CFAP96: variants seen among roughly 807,000 people sequenced by gnomAD.
CFAP96 encodes cilia-and flagella-associated protein 96.
At chr4:185,432,643 G>T in the CFAP96 span, among the ~76,000 whole-genome samples, 1 of 152,050 alleles carries the variant, frequency 6.6e-6, no homozygotes, top group Non-Finnish European at 1.5e-5. Context: ...TAGGAGGAAT[G>T]CTTGAGGCCA....
chr4:185,437,092 T>G, the CFAP96 span, among the ~76,000 whole-genome samples: 1 of 152,164 alleles, frequency 6.6e-6, no homozygotes, highest in Non-Finnish European at 1.5e-5. Context: ...AAGAAGCCAT[T>G]ATGATGAGCA....
the CFAP96 span, chr4:185,436,128 A>G: frequency 3.2e-6 from 5 of 1,551,440 alleles, no homozygotes; most frequent in Non-Finnish European, 4.4e-6. Flanking sequence ...AGAAAAATAC[A>G]AGGCACCTGG....
chr4:185,449,535 G>T, the CFAP96 span: 8 of 965,708 alleles, frequency 8.3e-6, no homozygotes, highest in Non-Finnish European at 1.2e-5. Context: ...AAAAAAAAAA[G>T]AATGTACAGG....
At chr4:185,419,466 T>C in the CFAP96 span, among the ~76,000 whole-genome samples, 3 of 152,198 alleles carry the variant, frequency 2.0e-5, no homozygotes, top group South Asian at 4.1e-4. Context: ...TGGTACCCCA[T>C]GGCCTGGTGG....
chr4:185,444,837 T>G, the CFAP96 span: 1 of 797,588 alleles, frequency 1.3e-6, no homozygotes, highest in Non-Finnish European at 2.0e-6. Flanking sequence ...GGTATTTGAA[T>G]TAAACAGTAT....
At chr4:185,413,926 C>G in the CFAP96 span, 1 of 1,463,152 alleles carries the variant, frequency 6.8e-7, no homozygotes, top group Non-Finnish European at 9.2e-7. Context: ...ATTTAGATTC[C>G]TAGTCAATAA....
the CFAP96 span, chr4:185,418,759 TG>T: frequency 6.3e-7 from 1 of 1,583,882 alleles, no homozygotes; most frequent in East Asian, 2.2e-5. Context: ...AGTGCCTTCT[TG>T]AGAAAAATTT....
At chr4:185,432,145 A>G in the CFAP96 span, 1 of 1,551,858 alleles carries the variant, frequency 6.4e-7, no homozygotes, top group South Asian at 1.2e-5. Flanking sequence ...ATATGGTGGA[A>G]GCAGCCAAAA....
chr4:185,445,350 G>C, the CFAP96 span: 1 of 739,402 alleles, frequency 1.4e-6, no homozygotes, highest in Non-Finnish European at 2.2e-6. Context: ...TAAGTTATCT[G>C]CACCAAACCA....
chr4:185,438,456 C>G, the CFAP96 span, among the ~76,000 whole-genome samples: 1 of 152,086 alleles, frequency 6.6e-6, no homozygotes, highest in Non-Finnish European at 1.5e-5. Context: ...TTACCTGTCT[C>G]TACTTAATTT....
At chr4:185,436,705 G>A in the CFAP96 span, among the ~76,000 whole-genome samples, 28 of 56,908 alleles carry the variant, frequency 4.9e-4, no homozygotes, top group East Asian at 0.017. Flanking sequence ...ACGAGACTCC[G>A]TCTCAAAAAT....
chr4:185,418,503 C>T, the CFAP96 span: 1 of 1,611,784 alleles, frequency 6.2e-7, no homozygotes, highest in Non-Finnish European at 8.5e-7. Flanking sequence ...TCTTCTGGCT[C>T]AAATCTAAAT....
chr4:185,435,530 C>T, the CFAP96 span, among the ~76,000 whole-genome samples: 2 of 151,924 alleles, frequency 1.3e-5, 1 homozygote, highest in Middle Eastern at 6.3e-3. Flanking sequence ...TACTGTGTGC[C>T]CAGAAAATTT....
the CFAP96 span, among the ~76,000 whole-genome samples, chr4:185,439,304 G>T: frequency 6.6e-6 from 1 of 152,146 alleles, no homozygotes; most frequent in Non-Finnish European, 1.5e-5. Flanking sequence ...TTGTGATATG[G>T]AAGGGTGGAG....
the CFAP96 span, among the ~76,000 whole-genome samples, chr4:185,441,731 C>G: frequency 7.5e-4 from 114 of 151,226 alleles, 3 homozygotes; most frequent in Admixed American, 1.3e-3. Flanking sequence ...AAATATTTAT[C>G]TAAAACACAT....
chr4:185,418,296 T>C, the CFAP96 span: 1 of 600,874 alleles, frequency 1.7e-6, no homozygotes, highest in Non-Finnish European at 2.8e-6. Context: ...GACAAACATA[T>C]AACTTTTGGC....
At chr4:185,421,085 G>T in the CFAP96 span, among the ~76,000 whole-genome samples, 10 of 152,260 alleles carry the variant, frequency 6.6e-5, no homozygotes, top group South Asian at 2.1e-4. Flanking sequence ...TAGTAAAATG[G>T]TTCTCATCTT....
chr4:185,432,629 G>A, the CFAP96 span, among the ~76,000 whole-genome samples: 12 of 152,178 alleles, frequency 7.9e-5, no homozygotes, highest in African/African-American at 2.6e-4. Flanking sequence ...TTTGGAGGCC[G>A]AGCTAGGAGG....
the CFAP96 span, chr4:185,440,855 T>C: frequency 1.1e-5 from 2 of 181,536 alleles, no homozygotes; most frequent in Non-Finnish European, 2.2e-5. Flanking sequence ...GACCCATTTT[T>C]ACAAAATTAC....
Sources: allele counts gnomAD v4.1 joint callset (sites outside exome capture counted in the v4.1 genomes callset), GRCh38; gene constraint gnomAD v4.1.1; transcripts MANE v1.5; gene names NCBI Gene and HGNC (gene_info 2026-07-23, HGNC 2026-07-21).